The following CTNND2 variants were observed in gnomAD, a reference collection of about 807,000 sequenced individuals.
CTNND2 encodes catenin delta 2, also known as catenin delta-2.
CTNND2 carries 22 observed loss-of-function variants against 144.4 expected under a neutral mutation model. The ratio of observed to expected loss-of-function variants is 0.15; its 90% CI spans 0.11 to 0.22. The LOEUF is 0.22. Ranked by LOEUF, CTNND2 falls within the 10% of genes least tolerant of loss-of-function variation. The pLI is 1.00. For synonymous variants in CTNND2, 751 were observed against 695.6 expected (o/e 1.08, Z -1.25); for missense variants, 1,353 against 1,618.8 (o/e 0.84, Z 2.82).
At chr5:11,200,900 C>T (rs921343274) in intron 10 of CTNND2, among the ~76,000 whole-genome samples, 23 of 150,238 alleles carry the variant, frequency 1.5e-4, no homozygotes, top group Non-Finnish European at 2.5e-4. Flanking sequence ...AGGATGGTCT[C>T]GATCTCCTGA....
At chr5:11,489,672 T>C (rs1039800273) in intron 3 of CTNND2, among the ~76,000 whole-genome samples, 4 of 152,164 alleles carry the variant, frequency 2.6e-5, no homozygotes, top group African/African-American at 9.7e-5. Flanking sequence ...AACACAGTGA[T>C]TGGCACACAG....
chr5:11,705,787 T>C (rs1387791702), intron 2 of CTNND2, among the ~76,000 whole-genome samples: 1 of 152,180 alleles, frequency 6.6e-6, no homozygotes, highest in Non-Finnish European at 1.5e-5. Context: ...TTTTATGCAG[T>C]CCTCCACATC....
At chr5:11,788,141 C>T (rs1005309776) in intron 1 of CTNND2, among the ~76,000 whole-genome samples, 4 of 152,038 alleles carry the variant, frequency 2.6e-5, no homozygotes, top group African/African-American at 4.8e-5. Context: ...TTTGACCAAC[C>T]GTAGCCTTAA....
rs911286150 is a variant in CTNND2, at chr5:11,831,522, G to C, written c.37+72295C>G. 5.7e-4 allele frequency among the ~76,000 whole-genome samples: 87 copies of C among 152,062 alleles called. 1 individual carries two copies. Among genetic ancestry groups the C allele is most frequent in the African/African-American group, 1.9e-3 (79 of 41,472 alleles). ...TCTCTACTAAAAATACAAAAAATTA[G>C]CCAGGTGTGCTGGCGGGCGCCTGTA... is the stretch of plus-strand genomic sequence containing the variant. On this transcript the variant is annotated intron_variant, in intron 1 of 21. Coordinates refer to ENST00000304623, the MANE Select transcript of CTNND2 (RefSeq NM_001332.4).
chr5:11,092,899 C>A (rs1241142928), intron 15 of CTNND2, among the ~76,000 whole-genome samples: 1 of 152,206 alleles, frequency 6.6e-6, no homozygotes. Flanking sequence ...ACATGATACA[C>A]TACCTACTAA....
rs533414578 is a variant in CTNND2, at chr5:11,446,443, C to T, written c.288-34374G>A. Among the ~76,000 whole-genome samples, 32 of 152,174 alleles carry T rather than the reference C, an allele frequency of 2.1e-4. 1 individual carries two copies. Among genetic ancestry groups the T allele is most frequent in the Non-Finnish European group, 4.4e-4 (30 of 68,040 alleles). Reference sequence around the variant, plus strand: ...TCTGAGCAATGGCATGTGGGTAGGGCTGTTGTACATCACAGGATGCTCTAA... The same window carrying T: ...TCTGAGCAATGGCATGTGGGTAGGGTTGTTGTACATCACAGGATGCTCTAA... On this transcript the variant is annotated intron_variant, in intron 3 of 21. Transcript: ENST00000304623.
At chr5:11,275,509 C>T (rs1370958797) in intron 9 of CTNND2, among the ~76,000 whole-genome samples, 1 of 152,190 alleles carries the variant, frequency 6.6e-6, no homozygotes, top group Non-Finnish European at 1.5e-5. Flanking sequence ...TACACATCTG[C>T]TTCTTAGTCT....
At chr5:11,615,815 A>G (rs1054846121) in intron 2 of CTNND2, among the ~76,000 whole-genome samples, 1 of 152,220 alleles carries the variant, frequency 6.6e-6, no homozygotes, top group Non-Finnish European at 1.5e-5. Flanking sequence ...GTGGACCATC[A>G]GAAGTCCCAA....
intron 11 of CTNND2, among the ~76,000 whole-genome samples, chr5:11,171,008 G>A (rs1007236871): frequency 2.0e-5 from 3 of 152,144 alleles, no homozygotes; most frequent in Non-Finnish European, 2.9e-5. Flanking sequence ...CTGCTCCCAC[G>A]ATTCAATTAC....
chr5:11,024,749 G>A (rs1742643670), intron 16 of CTNND2, among the ~76,000 whole-genome samples: 1 of 152,140 alleles, frequency 6.6e-6, no homozygotes, highest in African/African-American at 2.4e-5. Flanking sequence ...GCATTTTTTA[G>A]TTTTGTTGGT....
chr5:11,572,390 T>G (rs1045896910), intron 2 of CTNND2, among the ~76,000 whole-genome samples: 1 of 152,182 alleles, frequency 6.6e-6, no homozygotes, highest in Non-Finnish European at 1.5e-5. Flanking sequence ...CATACCTAGT[T>G]CTATTTTGAG....
intron 11 of CTNND2, among the ~76,000 whole-genome samples, chr5:11,189,889 C>T (rs1184331049): frequency 6.6e-6 from 1 of 152,164 alleles, no homozygotes; most frequent in East Asian, 1.9e-4. Flanking sequence ...TGTGGATTTC[C>T]TAATTGGATT....
chr5:11,611,630 T>C (rs1371263900), intron 2 of CTNND2, among the ~76,000 whole-genome samples: 1 of 151,992 alleles, frequency 6.6e-6, no homozygotes, highest in Non-Finnish European at 1.5e-5. Context: ...ATACAAAAAT[T>C]AGCCAGGCAT....
At chr5:11,217,794 T>A (rs1169933405) in intron 10 of CTNND2, among the ~76,000 whole-genome samples, 1 of 152,214 alleles carries the variant, frequency 6.6e-6, no homozygotes, top group African/African-American at 2.4e-5. Flanking sequence ...GGTCAGTATG[T>A]TCAAAAGCTT....
chr5:11,185,054 C>G (rs1240909376), intron 11 of CTNND2, among the ~76,000 whole-genome samples: 1 of 152,210 alleles, frequency 6.6e-6, no homozygotes, highest in Admixed American at 6.5e-5. Context: ...TCAATCCATT[C>G]TTATTAAAGA....
At chr5:11,819,353 G>A (rs1793190813) in intron 1 of CTNND2, among the ~76,000 whole-genome samples, 1 of 152,110 alleles carries the variant, frequency 6.6e-6, no homozygotes, top group South Asian at 2.1e-4. Context: ...AGAATCACTT[G>A]AGCCCAGGAG....
chr5:10,988,079 G>A lies in CTNND2; in HGVS notation c.3343+32C>T, dbSNP rs1738229091. The A allele has an allele frequency of 6.2e-7, 1 of 1,613,198 alleles. No individual in the cohort carries two copies. The highest frequency in any genetic ancestry group is 8.5e-7 in the Non-Finnish European group (1 of 1,179,552). On this transcript the variant is annotated intron_variant, in intron 20 of 21. Transcript: ENST00000304623. This position sits in a 1 kb window ranked among gnomAD's most constrained non-coding sequence, Gnocchi z 5.9. The stretch of plus-strand genomic sequence containing the variant: ...GCCTTGTCGCGGGTCAAGCCACCAA[G>A]TTCCAGGAGGGGGCGCGCGAGGGGC...
At chr5:11,739,173 T>C (rs1787859041) in intron 1 of CTNND2, among the ~76,000 whole-genome samples, 1 of 152,204 alleles carries the variant, frequency 6.6e-6, no homozygotes, top group Admixed American at 6.6e-5. Context: ...GTTCTACTGA[T>C]AGCCCAAGTC....
At chr5:11,374,775 C>CTT (rs56327510) in intron 7 of CTNND2, among the ~76,000 whole-genome samples, 1,487 of 99,258 alleles carry the variant, frequency 0.015, 178 homozygotes, top group East Asian at 0.024. Flanking sequence ...TCCCAATCTA[C>CTT]TTTTTTTTTT....
Sources: allele counts gnomAD v4.1 joint callset (sites outside exome capture counted in the v4.1 genomes callset), GRCh38; gene constraint gnomAD v4.1.1; non-coding constraint Gnocchi (gnomAD v3.1); transcripts MANE v1.5; gene names NCBI Gene and HGNC (gene_info 2026-07-23, HGNC 2026-07-21).